Variants in CERS6 observed in about 807,000 individuals in gnomAD.
CERS6 encodes LAG1 homolog, ceramide synthase 6.
In CERS6, 26 loss-of-function variants were observed where a neutral mutation model predicts 56.8. That is an observed-to-expected ratio of 0.46 (90% confidence interval 0.34 to 0.63). The LOEUF (loss-of-function observed/expected upper bound fraction) is 0.63. CERS6 is among the 30% of genes least tolerant of loss of function. The pLI is 0.01. For synonymous variants in CERS6, 164 were observed against 173.3 expected, an observed-to-expected ratio of 0.95 and a Z score of 0.42; for missense variants, 415 against 467.5, an observed-to-expected ratio of 0.89 and a Z score of 1.04.
chr2:168,669,635 C>T lies in CERS6; in HGVS notation c.466-21399C>T, dbSNP rs557557767. Among the ~76,000 whole-genome samples, 5 of 152,214 alleles carry T rather than the reference C, an allele frequency of 3.3e-5. No individual in the cohort carries two copies. In the South Asian group the frequency reaches 1.0e-3, roughly 32 times the overall value. On this transcript the variant is annotated intron_variant, in intron 4 of 9. Coordinates refer to ENST00000305747, the MANE Select transcript of CERS6 (RefSeq NM_203463.3). ...TTGGGTGTCTCATGTCTCAGATACC[C>T]AGGAACTTGTAAGTTAAAAAAAGTA...
intron 8 of CERS6, among the ~76,000 whole-genome samples, chr2:168,730,984 C>T (rs1247201717): frequency 1.3e-5 from 2 of 152,136 alleles, no homozygotes; most frequent in Non-Finnish European, 2.9e-5. Flanking sequence ...AATGATTCTG[C>T]ATACATTCCA....
intron 1 of CERS6, among the ~76,000 whole-genome samples, chr2:168,517,515 A>AATTAATTAATT (rs1553486939): frequency 6.6e-6 from 1 of 150,382 alleles, no homozygotes; most frequent in East Asian, 1.9e-4. Context: ...ATAAATAAAT[A>AATTAATTAATT]AATAAATAAT....
chr2:168,494,716 C>G (rs1320299334), intron 1 of CERS6, among the ~76,000 whole-genome samples: 1 of 152,058 alleles, frequency 6.6e-6, no homozygotes, highest in Admixed American at 6.6e-5. Context: ...ACAGGGTGTT[C>G]CAGTGGTGGC....
In CERS6 at chr2:168,521,552, C is replaced by T. The variant is rs192780126; in HGVS notation, c.171-26044C>T. On this transcript the variant is annotated intron_variant, in intron 1 of 9. Transcript: ENST00000305747. Reference sequence around the variant, plus strand: ...GGAGATGGTGATAGTAACACAGCTGCGCCAGGCATTTCAGTGAGTTCCTAA... The same window carrying T: ...GGAGATGGTGATAGTAACACAGCTGTGCCAGGCATTTCAGTGAGTTCCTAA... Among the ~76,000 whole-genome samples, 29 of 152,198 alleles carry T rather than the reference C, an allele frequency of 1.9e-4. No individual in the cohort carries two copies. The East Asian group carries it at 4.6e-3, about 24-fold the overall frequency.
chr2:168,665,132 T>G (rs1164286444), intron 4 of CERS6, among the ~76,000 whole-genome samples: 1 of 152,122 alleles, frequency 6.6e-6, no homozygotes, highest in Non-Finnish European at 1.5e-5. Context: ...AACAATCATA[T>G]ATGAGGTTTC....
At chr2:168,492,383 C>G (rs561192463) in intron 1 of CERS6, among the ~76,000 whole-genome samples, 31 of 152,196 alleles carry the variant, frequency 2.0e-4, no homozygotes, top group Admixed American at 1.7e-3. Context: ...ATGATGAGCT[C>G]TTTTTCATGT....
At chr2:168,493,280 A>G (rs981614282) in intron 1 of CERS6, among the ~76,000 whole-genome samples, 1 of 152,154 alleles carries the variant, frequency 6.6e-6, no homozygotes, top group Non-Finnish European at 1.5e-5. Flanking sequence ...TCTCCTAGCC[A>G]CTTAAATAAA....
intron 8 of CERS6, among the ~76,000 whole-genome samples, chr2:168,745,430 A>G (rs1477410270): frequency 6.6e-6 from 1 of 152,000 alleles, no homozygotes; most frequent in African/African-American, 2.4e-5. Context: ...TTTAGTAGAG[A>G]CGGGGTTTCA....
chr2:168,645,114 A>ATATATATATAT (rs1559034012), intron 4 of CERS6, among the ~76,000 whole-genome samples: 4 of 34,362 alleles, frequency 1.2e-4, no homozygotes, highest in Non-Finnish European at 2.2e-4. Flanking sequence ...AAAAAAAAAA[A>ATATATATATAT]AAATATATAT....
intron 3 of CERS6, chr2:168,606,628 A>C (rs1462279049): frequency 6.6e-6 from 1 of 152,144 alleles, no homozygotes; most frequent in African/African-American, 2.4e-5. Flanking sequence ...GGAAGGTATG[A>C]TTTTATTTTG....
At chr2:168,568,826 C>T (rs561358619) in intron 3 of CERS6, among the ~76,000 whole-genome samples, 2 of 152,264 alleles carry the variant, frequency 1.3e-5, no homozygotes, top group South Asian at 2.1e-4. Flanking sequence ...CATGCAAAAT[C>T]GCACAACAAA....
At chr2:168,724,637 C>T (rs1683289161) in intron 8 of CERS6, among the ~76,000 whole-genome samples, 2 of 152,116 alleles carry the variant, frequency 1.3e-5, no homozygotes, top group African/African-American at 2.4e-5. Flanking sequence ...TAAAGGTTCT[C>T]CAAGGCCCCA....
intron 1 of CERS6, among the ~76,000 whole-genome samples, chr2:168,470,059 G>GCTGGTCACT (rs1693948487): frequency 6.6e-6 from 1 of 151,992 alleles, no homozygotes; most frequent in Non-Finnish European, 1.5e-5. Flanking sequence ...AATTGAAACA[G>GCTGGTCACT]CTGGTCACTC....
intron 5 of CERS6, among the ~76,000 whole-genome samples, chr2:168,692,177 G>C (rs115862028): frequency 0.023 from 3,451 of 152,244 alleles, 94 homozygotes; most frequent in African/African-American, 0.065. Flanking sequence ...AGCATTCAGA[G>C]GATATTTGAT....
intron 1 of CERS6, among the ~76,000 whole-genome samples, chr2:168,479,114 C>T (rs951140433): frequency 6.6e-6 from 1 of 152,164 alleles, no homozygotes; most frequent in African/African-American, 2.4e-5. Flanking sequence ...CTACCTCGAT[C>T]ATATTCTAAA....
At chr2:168,538,319 T>C (rs1288283475) in intron 1 of CERS6, among the ~76,000 whole-genome samples, 1 of 151,812 alleles carries the variant, frequency 6.6e-6, no homozygotes, top group Non-Finnish European at 1.5e-5. Flanking sequence ...TGACCCCACT[T>C]CATTCCTCCT....
At chr2:168,618,588 G>A (rs1029859809) in intron 3 of CERS6, among the ~76,000 whole-genome samples, 12 of 152,166 alleles carry the variant, frequency 7.9e-5, no homozygotes, top group African/African-American at 2.6e-4. Context: ...CACCAACAGC[G>A]ACCAAGTGGA....
At chr2:168,634,367 T>G (rs1684815866) in intron 4 of CERS6, among the ~76,000 whole-genome samples, 1 of 152,136 alleles carries the variant, frequency 6.6e-6, no homozygotes, top group Non-Finnish European at 1.5e-5. Context: ...CTAGGTTCTA[T>G]TTTTTCTTAT....
intron 1 of CERS6, among the ~76,000 whole-genome samples, chr2:168,497,421 G>GA (rs1447933174): frequency 1.3e-5 from 2 of 151,994 alleles, no homozygotes; most frequent in Non-Finnish European, 2.9e-5. Context: ...AGGAAAGAAA[G>GA]AAAAGAAAGA....
Sources: allele counts gnomAD v4.1 joint callset (sites outside exome capture counted in the v4.1 genomes callset), GRCh38; gene constraint gnomAD v4.1.1; transcripts MANE v1.5; gene names NCBI Gene and HGNC (gene_info 2026-07-23, HGNC 2026-07-21).